ADAT1: variants seen among roughly 807,000 people sequenced by gnomAD.
ADAT1 encodes the protein adenosine deaminase tRNA specific 1.
A neutral mutation model predicts 58.6 loss-of-function variants in ADAT1; 58 were observed. That is an observed-to-expected ratio of 0.99 (90% CI 0.80 to 1.23). The LOEUF (loss-of-function observed/expected upper bound fraction) is 1.23. Among genes scored for constraint, ADAT1 ranks in the 50% most tolerant of loss-of-function variants. ADAT1 has a pLI of 0.00. For missense variants in ADAT1, 741 were observed against 608.6 expected (o/e 1.22, Z -2.29); for synonymous variants, 254 against 220.8 (o/e 1.15, Z -1.33).
chr16:75,612,644 G>A lies in ADAT1; in HGVS notation c.642C>T (p.His214=), dbSNP rs774187438. The change falls in exon 6 of 10, where the codon CAC becomes CAT. Residue 214 remains histidine (H), a synonymous_variant. Transcript: ENST00000564657. ...AAREVTNGAA[H]HQSFGKQKSG... The stretch of plus-strand genomic sequence containing the variant: ...TTTTCTGCTTGCCAAAACTCTGATG[G>A]TGAGCTGCTCCGTTGGTGACCTCCC... 14 of 1,613,918 alleles carry A rather than the reference G, an allele frequency of 8.7e-6. No homozygotes were observed. The highest frequency in any genetic ancestry group is 1.6e-4 in the Middle Eastern group (1 of 6,084).
intron 8 of ADAT1, among the ~76,000 whole-genome samples, chr16:75,606,317 C>T (rs2081372094): frequency 6.6e-6 from 1 of 152,158 alleles, no homozygotes; most frequent in Non-Finnish European, 1.5e-5. Flanking sequence ...GAATGGTCCC[C>T]AGTGATTCTT....
chr16:75,604,937 T>C (rs985481113), intron 8 of ADAT1, among the ~76,000 whole-genome samples: 1 of 152,138 alleles, frequency 6.6e-6, no homozygotes, highest in Non-Finnish European at 1.5e-5. Flanking sequence ...TACACATAGA[T>C]TTTCTTCTGC....
intron 3 of ADAT1, among the ~76,000 whole-genome samples, chr16:75,619,423 G>C (rs1050020521): frequency 6.6e-6 from 1 of 151,978 alleles, no homozygotes; most frequent in Admixed American, 6.6e-5. Flanking sequence ...CTATAGTCCA[G>C]CTACTCAGGA....
chr16:75,608,833 G>A lies in ADAT1; in HGVS notation c.1189+10C>T. 6.2e-7 allele frequency: 1 copy of A among 1,611,882 alleles called. No individual in the cohort carries two copies. The highest frequency in any genetic ancestry group is 8.5e-7 in the Non-Finnish European group (1 of 1,179,390). ...GTTACTCCAGGGCAGGTCTAACCTG[G>A]ATCTCTTACCTGCCCCACAAGGAAC... is the stretch of plus-strand genomic sequence containing the variant. On this transcript the variant is annotated intron_variant, in intron 7 of 9. Transcript: ENST00000564657.
At chr16:75,613,638 G>A (rs4888439) in intron 5 of ADAT1, among the ~76,000 whole-genome samples, 20 of 151,934 alleles carry the variant, frequency 1.3e-4, no homozygotes, top group Non-Finnish European at 2.8e-4. Flanking sequence ...CTGTATCACT[G>A]TTTGCTGTGG....
At chr16:75,614,265 C>A (rs2081638169) in intron 5 of ADAT1, among the ~76,000 whole-genome samples, 2 of 152,144 alleles carry the variant, frequency 1.3e-5, no homozygotes. Context: ...TGCATGGCCC[C>A]ACAGTAAAGA....
At chr16:75,604,300 G>A (rs2081303731) in intron 8 of ADAT1, among the ~76,000 whole-genome samples, 1 of 150,792 alleles carries the variant, frequency 6.6e-6, no homozygotes, top group African/African-American at 2.4e-5. Flanking sequence ...GGGAGTGGTG[G>A]CGCATGCCTG....
At chr16:75,604,474 T>TATACACACACACAC (rs1324943206) in intron 8 of ADAT1, among the ~76,000 whole-genome samples, 38 of 54,010 alleles carry the variant, frequency 7.0e-4, no homozygotes, top group Non-Finnish European at 9.4e-4. Flanking sequence ...TATATATATA[T>TATACACACACACAC]ACACACACAC....
intron 8 of ADAT1, among the ~76,000 whole-genome samples, chr16:75,605,961 T>A (rs866529388): frequency 0.014 from 1,587 of 113,848 alleles, 33 homozygotes; most frequent in African/African-American, 0.05. Context: ...AAAAAAAAAA[T>A]CCCCAAATCC....
At chr16:75,607,431 G>C (rs1406646521) in intron 8 of ADAT1, among the ~76,000 whole-genome samples, 1 of 151,764 alleles carries the variant, frequency 6.6e-6, no homozygotes, top group Non-Finnish European at 1.5e-5. Context: ...GAACCCCAGG[G>C]GCGGAGGTTG....
At chr16:75,600,995 T>C (rs2081214413) in intron 9 of ADAT1, among the ~76,000 whole-genome samples, 1 of 152,236 alleles carries the variant, frequency 6.6e-6, no homozygotes, top group African/African-American at 2.4e-5. Context: ...TAGGTTTCTA[T>C]GGTCCTAGTG....
In ADAT1 at chr16:75,598,667, C is replaced by T. The variant is rs140821237; in HGVS notation, c.*1549G>A. Among the ~76,000 whole-genome samples the T allele has an allele frequency of 0.013, 1,974 of 151,784 alleles. 52 individuals carry two copies. The highest frequency in any genetic ancestry group is 0.044 in the African/African-American group (1,832 of 41,352). On this transcript the variant is annotated 3_prime_UTR_variant, in exon 10 of 10. Coordinates refer to ENST00000564657, the MANE Select transcript of ADAT1 (RefSeq NM_001324445.2). Reference sequence around the variant, plus strand: ...CCAAGTAGCTGGGACTACAGGCGTGCACCACCATGCCCGGCTAATTTTTGT... The same window carrying T: ...CCAAGTAGCTGGGACTACAGGCGTGTACCACCATGCCCGGCTAATTTTTGT...
intron 8 of ADAT1, among the ~76,000 whole-genome samples, chr16:75,604,474 T>TATATATATACACACACAC (rs1324943206): frequency 1.9e-5 from 1 of 54,014 alleles, no homozygotes. Context: ...TATATATATA[T>TATATATATACACACACAC]ACACACACAC....
intron 6 of ADAT1, among the ~76,000 whole-genome samples, chr16:75,610,299 T>TC (rs2081491758): frequency 7.0e-6 from 1 of 143,674 alleles, no homozygotes; most frequent in Non-Finnish European, 1.5e-5. Context: ...ACATATACAC[T>TC]TTTTTTTTTT....
Position 75,617,246 on chromosome 16 carries a change from G to A in ADAT1, c.320C>T (p.Ala107Val), listed in dbSNP as rs556868899. ...QRYLLHQLQLAATLKEDSIFV... is the reference protein window; with the variant it reads ...QRYLLHQLQLVATLKEDSIFV... ...GATGCTATCCTCTTTCAGGGTGGCT[G>A]CCAACTGGAGTTGGTGGAGAAGGTA... The change falls in exon 5 of 10, where the codon GCA becomes GTA. Residue 107 changes from alanine (A) to valine (V), a missense_variant. Ala to Val is a moderately conservative substitution (Grantham distance 64, BLOSUM62 0). Coordinates refer to ENST00000564657, the MANE Select transcript of ADAT1 (RefSeq NM_001324445.2). 1 of 1,613,396 alleles carries A rather than the reference G, an allele frequency of 6.2e-7. No homozygotes were observed. The highest frequency in any genetic ancestry group is 8.5e-7 in the Non-Finnish European group (1 of 1,179,392).
chr16:75,617,108 T>C (rs1455000263), intron 5 of ADAT1, 34 bp downstream of exon 5: 3 of 1,584,614 alleles, frequency 1.9e-6, no homozygotes, highest in East Asian at 2.3e-5. Context: ...AAGTAGTTCA[T>C]GTAACATTAA....
rs1399459741 is a variant in ADAT1 at position 75,600,353 on chromosome 16, T to C, written c.1377-5A>G. 6.2e-7 allele frequency: 1 copy of C among 1,613,096 alleles called. No homozygotes were observed. The highest frequency in any genetic ancestry group is 1.3e-5 in the African/African-American group (1 of 74,880). ...TAGGTATCCAGCTTCTGCACCCTAA[T>C]GCACACAGGCCACCAAATACACAGG... On this transcript the variant is annotated splice_region_variant and splice_polypyrimidine_tract_variant and intron_variant, in intron 9 of 9. Transcript: ENST00000564657.
chr16:75,618,398 T>A (rs904421617), intron 4 of ADAT1, among the ~76,000 whole-genome samples, 188 bp downstream of exon 4: 14 of 151,062 alleles, frequency 9.3e-5, no homozygotes, highest in Non-Finnish European at 1.9e-4. Flanking sequence ...CTCAGCTACT[T>A]GGGAGGCTGA....
intron 8 of ADAT1, 132 bp from the exon 9 acceptor site, chr16:75,603,303 G>C: frequency 1.4e-6 from 1 of 723,630 alleles, no homozygotes; most frequent in Non-Finnish European, 2.3e-6. Flanking sequence ...CCTGTACTTG[G>C]TGAGGAGAAA....
Sources: gnomAD v4.1 joint callset for allele counts (sites outside exome capture counted in the v4.1 genomes callset) on GRCh38, gnomAD v4.1.1 for gene constraint, MANE v1.5 for transcripts, NCBI Gene and HGNC (gene_info 2026-07-23, HGNC 2026-07-21) for gene names.